The following HP1BP3 variants were observed in gnomAD, a reference collection of about 807,000 sequenced individuals.
HP1BP3 encodes heterochromatin protein 1-binding protein 3.
Under a neutral mutation model 62.5 loss-of-function variants are expected in HP1BP3, and 12 were observed. The ratio of observed to expected loss-of-function variants is 0.19; its 90% CI spans 0.12 to 0.31. The LOEUF is 0.31. Among genes scored for constraint, HP1BP3 ranks in the 10% least tolerant of loss-of-function variants. HP1BP3 has a pLI of 1.00. For synonymous variants in HP1BP3, 260 were observed against 237.8 expected (o/e 1.09, Z -0.86); for missense variants, 502 against 651.8 (o/e 0.77, Z 2.50).
rs2055057039 is a variant in HP1BP3, at chr1:20,740,664, T to C, written c.*4133A>G. Among the ~76,000 whole-genome samples the C allele has an allele frequency of 1.3e-5, 2 of 152,130 alleles. No homozygotes were observed. The highest frequency in any genetic ancestry group is 2.9e-5 in the Non-Finnish European group (2 of 68,014). Reference sequence around the variant, plus strand: ...AGTGAGGCCCCATCTCTAGAAAAGATAAATTAGCCAGGCATTTATTAGCTT... The same window carrying C: ...AGTGAGGCCCCATCTCTAGAAAAGACAAATTAGCCAGGCATTTATTAGCTT... On this transcript the variant is annotated 3_prime_UTR_variant, in exon 13 of 13. Coordinates refer to ENST00000438032, the MANE Select transcript of HP1BP3 (RefSeq NM_001372052.1).
intron 5 of HP1BP3, among the ~76,000 whole-genome samples, chr1:20,773,221 A>G (rs1396391808): frequency 2.0e-5 from 3 of 152,190 alleles, no homozygotes; most frequent in African/African-American, 7.2e-5. Flanking sequence ...TAAAAATTCT[A>G]AAGTTAAAAT....
At chr1:20,782,901 A>T (rs1385456225) in intron 1 of HP1BP3, among the ~76,000 whole-genome samples, 1 of 98,240 alleles carries the variant, frequency 1.0e-5, no homozygotes, top group African/African-American at 3.9e-5. Context: ...CTCCTTCTCA[A>T]AAAAAAGAAA....
chr1:20,751,287 GT>G (rs1005803026), intron 9 of HP1BP3, among the ~76,000 whole-genome samples: 3 of 151,522 alleles, frequency 2.0e-5, no homozygotes, highest in Non-Finnish European at 4.4e-5. Flanking sequence ...GGAATCTAAA[GT>G]TTTTTATGAT....
rs761104075 is a variant in HP1BP3 at position 20,765,358 on chromosome 1, C to T, written c.890+19G>A. 1 of 1,547,848 alleles carries T rather than the reference C, an allele frequency of 6.5e-7. No individual in the cohort carries two copies. Among genetic ancestry groups the T allele is most frequent in the Non-Finnish European group, 8.7e-7 (1 of 1,146,490 alleles). On this transcript the variant is annotated intron_variant, in intron 8 of 12. Transcript: ENST00000438032. ...GAAGTAACACATCATGTTTTAAAGG[C>T]CAGGCCAATGGCTCATACCTGATGT...
intron 8 of HP1BP3, among the ~76,000 whole-genome samples, chr1:20,759,853 G>T (rs1403661121): frequency 6.6e-6 from 1 of 150,952 alleles, no homozygotes; most frequent in East Asian, 1.9e-4. Context: ...AGTGAGTGTA[G>T]TGCCTTGTGG....
chr1:20,764,043 A>T (rs1366092891), intron 8 of HP1BP3, among the ~76,000 whole-genome samples: 1 of 152,054 alleles, frequency 6.6e-6, no homozygotes, highest in Non-Finnish European at 1.5e-5. Flanking sequence ...CCCAGATGCA[A>T]TTTTTCTTCC....
At chr1:20,750,553 A>T (rs181357967) in intron 9 of HP1BP3, among the ~76,000 whole-genome samples, 2,068 of 147,222 alleles carry the variant, frequency 0.014, 39 homozygotes, top group African/African-American at 0.041. Context: ...AAATAAATTT[A>T]AAAAAAAAAA....
At chr1:20,770,165 C>T (rs1239846228) in intron 6 of HP1BP3, among the ~76,000 whole-genome samples, 1 of 152,114 alleles carries the variant, frequency 6.6e-6, no homozygotes, top group African/African-American at 2.4e-5. Flanking sequence ...TCACATTTCA[C>T]TCGGGTTTCT....
intron 8 of HP1BP3, among the ~76,000 whole-genome samples, chr1:20,757,612 C>CT (rs2056201252): frequency 1.3e-5 from 2 of 152,036 alleles, no homozygotes; most frequent in Non-Finnish European, 2.9e-5. Flanking sequence ...CTCAGGTGAT[C>CT]TGCCTGACTC....
chr1:20,766,291 CAAAACACACACACAA>C (rs2056778756), intron 7 of HP1BP3, among the ~76,000 whole-genome samples: 1 of 151,952 alleles, frequency 6.6e-6, no homozygotes, highest in Non-Finnish European at 1.5e-5. Flanking sequence ...AACTCCGTCT[CAAAACACACACACAA>C]AAAACACACA....
chr1:20,762,473 G>T (rs759076192), intron 8 of HP1BP3, among the ~76,000 whole-genome samples: 1 of 152,140 alleles, frequency 6.6e-6, no homozygotes, highest in Non-Finnish European at 1.5e-5. Context: ...GCTGTGAAAA[G>T]AAAATAAATC....
chr1:20,783,981 T>C (rs2057697920), intron 1 of HP1BP3, among the ~76,000 whole-genome samples: 1 of 149,810 alleles, frequency 6.7e-6, no homozygotes, highest in Non-Finnish European at 1.5e-5. Context: ...GTACCTATGT[T>C]TTTTGTTTGT....
intron 7 of HP1BP3, 76 bp downstream of exon 7, chr1:20,767,508 A>C (rs2056843367): frequency 3.1e-6 from 3 of 964,516 alleles, no homozygotes; most frequent in Admixed American, 3.9e-5. Context: ...GCACACAGCA[A>C]ACACTCAATG....
In HP1BP3 at chr1:20,761,824, G is replaced by GAAAAATCA. The variant is rs573344010; in HGVS notation, c.890+3545_890+3552dup. 5.3e-5 allele frequency among the ~76,000 whole-genome samples: 8 copies of GAAAAATCA among 152,300 alleles called. No homozygotes were observed. In the South Asian group the frequency reaches 1.7e-3, roughly 32 times the overall value. ...AGAAACGAAGGGTAAAAAGGTTACA[G>GAAAAATCA]AAAAATCAGGAAAGTGTGGTGTCCT... On this transcript the variant is annotated intron_variant, in intron 8 of 12. Transcript: ENST00000438032.
chr1:20,747,720 C>T, intron 10 of HP1BP3, 65 bp from the exon 11 acceptor site: 2 of 895,324 alleles, frequency 2.2e-6, no homozygotes, highest in East Asian at 2.4e-5. Context: ...CCCTCAACCA[C>T]AAACAGATGC....
At chr1:20,780,260 A>C in intron 2 of HP1BP3, 85 bp downstream of exon 2, 1 of 922,620 alleles carries the variant, frequency 1.1e-6, no homozygotes, top group Non-Finnish European at 1.8e-6. Flanking sequence ...AAGTAAGGGA[A>C]GGAACATGTA....
rs375026873 is a variant in HP1BP3, at chr1:20,755,330, A to T, written c.981+1836T>A. The T allele has an allele frequency of 6.7e-5, 30 of 449,754 alleles. 2 individuals are homozygous for T. The highest frequency in any genetic ancestry group is 4.0e-4 in the African/African-American group (20 of 50,080). The allele number at this position is 449,754 out of a possible 1,614,324, so 27.9% of individuals were successfully genotyped here. A position where few individuals can be genotyped will look rare whatever the true frequency, so the allele number is the denominator to read the frequency against. ...CACCTGTAATTCCAACACTTTGGGA[A>T]GCTGAGGCAGGCAGACTACTTCACT... On this transcript the variant is annotated intron_variant, in intron 9 of 12. Transcript: ENST00000438032.
In HP1BP3 at chr1:20,749,709, C is replaced by T. The variant is rs372080446; in HGVS notation, c.1141+14G>A. ...TCTCCTAATCCCAGTTAAATATACA[C>T]AACCGAGTCTTACTTTGATAGTTAG... is the stretch of plus-strand genomic sequence containing the variant. On this transcript the variant is annotated intron_variant, in intron 10 of 12. Coordinates refer to ENST00000438032, the MANE Select transcript of HP1BP3 (RefSeq NM_001372052.1). 3.1e-6 allele frequency: 5 copies of T among 1,604,142 alleles called. No individual in the cohort carries two copies. The African/African-American group carries it at 5.4e-5, about 17-fold the overall frequency.
intron 10 of HP1BP3, among the ~76,000 whole-genome samples, chr1:20,748,676 C>A (rs140054783): frequency 6.6e-6 from 1 of 151,978 alleles, no homozygotes; most frequent in Non-Finnish European, 1.5e-5. Context: ...AGGAGAATGG[C>A]GTGAACCCAG....
Sources: gnomAD v4.1 joint callset for allele counts (sites outside exome capture counted in the v4.1 genomes callset) on GRCh38, gnomAD v4.1.1 for gene constraint, MANE v1.5 for transcripts, NCBI Gene and HGNC (gene_info 2026-07-23, HGNC 2026-07-21) for gene names.